The following ELP3 variants were observed in gnomAD, a reference collection of about 807,000 sequenced individuals.
ELP3 encodes elongator complex protein 3.
In ELP3, 56 loss-of-function variants were observed where a neutral mutation model predicts 74.9. The observed-to-expected ratio is 0.75, with a 90% confidence interval of 0.60 to 0.93. The LOEUF is 0.93. Among genes scored for constraint, ELP3 ranks in the 40% least tolerant of loss-of-function variants. The pLI, the probability that ELP3 is intolerant of heterozygous loss-of-function variation, is 0.00. For synonymous variants in ELP3, 222 were observed against 239.8 expected (o/e 0.93, Z 0.68); for missense variants, 573 against 686.5 (o/e 0.83, Z 1.85).
At chr8:28,140,114 TTGTGTGTGTGTGTGTG>T (rs56981709) in intron 10 of ELP3, among the ~76,000 whole-genome samples, 14 of 143,798 alleles carry the variant, frequency 9.7e-5, no homozygotes, top group East Asian at 4.1e-4. Flanking sequence ...TGTACATATT[TTGTGTGTGTGTGTGTG>T]TGTGTGTGTG....
At chr8:28,141,082 T>C (rs1448129373) in intron 10 of ELP3, among the ~76,000 whole-genome samples, 1 of 152,202 alleles carries the variant, frequency 6.6e-6, no homozygotes, top group African/African-American at 2.4e-5. Flanking sequence ...ACTTATTGCC[T>C]GCTAACAGAA....
chr8:28,177,145 T>C (rs2130596921), intron 14 of ELP3, among the ~76,000 whole-genome samples: 1 of 152,318 alleles, frequency 6.6e-6, no homozygotes, highest in East Asian at 1.9e-4. Flanking sequence ...ATTTCCACAG[T>C]GATGGAGAAT....
In ELP3 at chr8:28,156,026, A is replaced by C; in HGVS notation, c.1185A>C (p.Gly395=). ...CACTTGCAAGAATGAAAGACCTCGG[A>C]ATACAGGTAAGAGCAAATATGGCGG... is the stretch of plus-strand genomic sequence containing the variant. ...ELALARMKDL[G]IQCRDVRTRE... Residue 395 remains glycine, a synonymous_variant, in exon 11 of 15, where the codon GGA becomes GGC. Coordinates refer to ENST00000256398, the MANE Select transcript of ELP3 (RefSeq NM_018091.6). 6.2e-7 allele frequency: 1 copy of C among 1,613,238 alleles called. No individual in the cohort carries two copies. The highest frequency in any genetic ancestry group is 8.5e-7 in the Non-Finnish European group (1 of 1,179,276).
At chr8:28,108,799 C>A (rs897640104) in intron 5 of ELP3, among the ~76,000 whole-genome samples, 1 of 152,064 alleles carries the variant, frequency 6.6e-6, no homozygotes, top group Admixed American at 6.6e-5. Flanking sequence ...AGTAAAGAAA[C>A]AAGAAAAAGT....
intron 10 of ELP3, among the ~76,000 whole-genome samples, chr8:28,144,353 T>G (rs548570638): frequency 6.6e-6 from 1 of 152,314 alleles, no homozygotes; most frequent in East Asian, 1.9e-4. Flanking sequence ...CTCTCGTGTG[T>G]AATCCCAGCA....
At chr8:28,146,418 G>A (rs935049061) in intron 10 of ELP3, among the ~76,000 whole-genome samples, 34 of 152,166 alleles carry the variant, frequency 2.2e-4, no homozygotes, top group African/African-American at 6.3e-4. Context: ...CACTTGAAAG[G>A]TTTCTGATGA....
intron 14 of ELP3, among the ~76,000 whole-genome samples, chr8:28,178,461 T>C (rs1350801): frequency 0.41 from 62,945 of 152,118 alleles, 14,711 homozygotes; most frequent in Middle Eastern, 0.56. Flanking sequence ...TTGTTCTGGT[T>C]ACTTTTGCTC....
chr8:28,113,039 T>A lies in ELP3; in HGVS notation c.483T>A (p.Ser161Arg). ...RIEQLKQLGH[S>R]VDKVEFIVMG... is the part of the protein sequence containing the mutation. The stretch of plus-strand genomic sequence containing the variant: ...TTCAGTTAAAACAACTTGGTCATAG[T>A]GTGGATAAAGTGGAGTTTATTGTGA... The change falls in exon 7 of 15, where the codon AGT (serine) becomes AGA (arginine). Residue 161 changes from serine to arginine, a missense_variant. Physicochemically the swap from Ser to Arg is moderately radical, Grantham distance 110. Coordinates refer to ENST00000256398, the MANE Select transcript of ELP3 (RefSeq NM_018091.6). 1 of 1,613,482 alleles carries A rather than the reference T, an allele frequency of 6.2e-7. No individual in the cohort carries two copies. Among genetic ancestry groups the A allele is most frequent in the Non-Finnish European group, 8.5e-7 (1 of 1,179,718 alleles).
At chr8:28,176,098 T>G (rs1401311014) in intron 14 of ELP3, among the ~76,000 whole-genome samples, 1 of 152,162 alleles carries the variant, frequency 6.6e-6, no homozygotes, top group Admixed American at 6.5e-5. Flanking sequence ...ATTACAGGCA[T>G]GAGCCACTGC....
intron 13 of ELP3, among the ~76,000 whole-genome samples, chr8:28,161,636 A>C (rs1001571893): frequency 2.0e-5 from 3 of 150,690 alleles, no homozygotes; most frequent in African/African-American, 7.3e-5. Flanking sequence ...AAAAGTAGAG[A>C]GGTGACTAAG....
At chr8:28,136,314 T>C (rs1812990024) in intron 9 of ELP3, among the ~76,000 whole-genome samples, 1 of 152,176 alleles carries the variant, frequency 6.6e-6, no homozygotes, top group South Asian at 2.1e-4. Flanking sequence ...CTTTTTTAAA[T>C]TCTCTAGTGT....
chr8:28,103,173 A>C (rs201916425), intron 3 of ELP3, among the ~76,000 whole-genome samples: 123 of 118,190 alleles, frequency 1.0e-3, no homozygotes, highest in East Asian at 9.3e-3. Flanking sequence ...CTGTCTCAAA[A>C]AAACAAACAA....
intron 14 of ELP3, among the ~76,000 whole-genome samples, chr8:28,185,540 AG>A (rs1815203877): frequency 6.6e-6 from 1 of 152,238 alleles, no homozygotes; most frequent in Admixed American, 6.5e-5. Flanking sequence ...TTACTAAAAC[AG>A]TGGAACTCTA....
chr8:28,093,492 C>G, intron 1 of ELP3: 1 of 569,174 alleles, frequency 1.8e-6, no homozygotes, highest in South Asian at 2.2e-5. Flanking sequence ...AACCATTATT[C>G]CAATATATGC....
At chr8:28,093,019 G>A (rs1350778334), upstream of ELP3, 4 of 867,354 alleles carry the variant, frequency 4.6e-6, no homozygotes, top group African/African-American at 1.7e-5. Context: ...GGGCCTCACG[G>A]GCCGCCTGCT....
intron 14 of ELP3, among the ~76,000 whole-genome samples, chr8:28,171,152 A>C (rs940424451): frequency 1.3e-5 from 2 of 152,156 alleles, no homozygotes; most frequent in Non-Finnish European, 2.9e-5. Context: ...AGGGTGTACA[A>C]ATACCTGTTT....
chr8:28,154,385 T>C (rs1254114681), intron 10 of ELP3, among the ~76,000 whole-genome samples: 4 of 152,212 alleles, frequency 2.6e-5, no homozygotes, highest in Non-Finnish European at 5.9e-5. Flanking sequence ...GTATTTGTCA[T>C]GTAATGGGCG....
intron 3 of ELP3, among the ~76,000 whole-genome samples, chr8:28,103,984 C>G (rs890244298): frequency 6.6e-6 from 1 of 152,214 alleles, no homozygotes; most frequent in Non-Finnish European, 1.5e-5. Flanking sequence ...CCAGCTTGGT[C>G]TCCCAAAGTG....
chr8:28,099,763 C>T, intron 2 of ELP3, 65 bp from the exon 3 acceptor site: 3 of 1,571,426 alleles, frequency 1.9e-6, no homozygotes, highest in Non-Finnish European at 1.7e-6. Context: ...GTTTATAGAT[C>T]ATCCTCTTGG....
Sources: allele counts gnomAD v4.1 joint callset (sites outside exome capture counted in the v4.1 genomes callset), GRCh38; gene constraint gnomAD v4.1.1; transcripts MANE v1.5; gene names NCBI Gene and HGNC (gene_info 2026-07-23, HGNC 2026-07-21).